ETNK1: variants seen among roughly 807,000 people sequenced by gnomAD.
The protein encoded by ETNK1 is ethanolamine kinase 1.
A neutral mutation model predicts 45.1 loss-of-function variants in ETNK1; 8 were observed. The observed-to-expected ratio is 0.18, with a 90% CI of 0.10 to 0.32. ETNK1 has a LOEUF of 0.32. ETNK1 is among the 10% of genes least tolerant of loss of function. The pLI, the probability that ETNK1 is intolerant of heterozygous loss-of-function variation, is 1.00. For synonymous variants in ETNK1, 152 were observed against 151.9 expected (o/e 1.00, Z -0.01); for missense variants, 302 against 430.6 (o/e 0.70, Z 2.64).
intron 2 of ETNK1, among the ~76,000 whole-genome samples, chr12:22,645,337 G>A (rs1953793823): frequency 6.6e-6 from 1 of 151,726 alleles, no homozygotes; most frequent in Admixed American, 6.6e-5. Context: ...AAAGCAGAGA[G>A]TAAAACATGA....
intron 1 of ETNK1, chr12:22,625,900 C>T: frequency 1.6e-6 from 1 of 623,576 alleles, no homozygotes; most frequent in Non-Finnish European, 3.0e-6. Context: ...TCCACGGTCA[C>T]TGCAAAATGA....
chr12:22,656,438 A>G, intron 2 of ETNK1: 1 of 985,338 alleles, frequency 1.0e-6, no homozygotes, highest in East Asian at 1.1e-4. Context: ...TCAGATCAGA[A>G]GAGCAGAAAC....
At chr12:22,677,613 T>C (rs1009516888) in intron 6 of ETNK1, among the ~76,000 whole-genome samples, 5 of 152,268 alleles carry the variant, frequency 3.3e-5, no homozygotes, top group African/African-American at 9.6e-5. Context: ...TATTGCCATT[T>C]TCACAATATT....
At chr12:22,657,389 TAAAGGAG>T (rs1218911264) in intron 2 of ETNK1, among the ~76,000 whole-genome samples, 1 of 152,178 alleles carries the variant, frequency 6.6e-6, no homozygotes, top group African/African-American at 2.4e-5. Context: ...TACAGTGGCA[TAAAGGAG>T]AAAGAATTTA....
chr12:22,633,261 CT>C (rs1383381313), intron 1 of ETNK1, among the ~76,000 whole-genome samples: 1 of 151,866 alleles, frequency 6.6e-6, no homozygotes, highest in Non-Finnish European at 1.5e-5. Context: ...TTATTTTTTT[CT>C]TTCACCACGT....
chr12:22,632,940 G>A (rs190169542), intron 1 of ETNK1, among the ~76,000 whole-genome samples: 9 of 152,228 alleles, frequency 5.9e-5, no homozygotes, highest in Admixed American at 1.3e-4. Flanking sequence ...TTCCATGACC[G>A]ACTAGCATTC....
rs1021739196 is a variant in ETNK1, at chr12:22,625,907, A to C, written c.156+321A>C. 4 of 606,964 alleles carry C rather than the reference A, an allele frequency of 6.6e-6. 1 individual carries two copies. The highest frequency in any genetic ancestry group is 1.2e-5 in the Non-Finnish European group (4 of 323,896). The allele number at this position is 606,964 out of a possible 1,614,324, so 37.6% of individuals were successfully genotyped here. ...CTCCCCAGTCCACGGTCACTGCAAA[A>C]TGAACCTTTCCACTCCCCTTGCACG... On this transcript the variant is annotated intron_variant, in intron 1 of 7. Transcript: ENST00000266517.
chr12:22,680,803 T>TG (rs1450058328), intron 6 of ETNK1, among the ~76,000 whole-genome samples: 1 of 152,060 alleles, frequency 6.6e-6, no homozygotes, highest in African/African-American at 2.4e-5. Context: ...CATTGATTGT[T>TG]TAATGTTGAG....
At chr12:22,658,868 T>C in intron 2 of ETNK1, 146 bp from the exon 3 acceptor site, 1 of 718,054 alleles carries the variant, frequency 1.4e-6, no homozygotes, top group Non-Finnish European at 2.2e-6. Flanking sequence ...GGGTTCTTGC[T>C]AAAACTGGTT....
At chr12:22,659,209 G>A in intron 3 of ETNK1, 55 bp downstream of exon 3, 2 of 1,493,178 alleles carry the variant, frequency 1.3e-6, no homozygotes, top group South Asian at 2.5e-5. Context: ...CTCTATGATA[G>A]GGTTTCAAAG....
intron 6 of ETNK1, chr12:22,682,281 G>A (rs755531456): frequency 2.0e-6 from 1 of 497,300 alleles, no homozygotes; most frequent in Non-Finnish European, 4.0e-6. Flanking sequence ...CTAATTTTAG[G>A]GTGAAAACTT....
chr12:22,657,591 G>A (rs923693673), intron 2 of ETNK1, among the ~76,000 whole-genome samples: 5 of 143,234 alleles, frequency 3.5e-5, no homozygotes, highest in African/African-American at 1.2e-4. Flanking sequence ...ACCACCCCAG[G>A]GGGAAAATTT....
rs1954262966 is a variant in ETNK1 at position 22,686,718 on chromosome 12, GT to G, written c.*1765del. 1 of 152,206 alleles carries G rather than the reference GT, an allele frequency of 6.6e-6. No homozygotes were observed. 9.4% of individuals were successfully genotyped at this position (152,206 alleles called of 1,614,324 possible). On this transcript the variant is annotated 3_prime_UTR_variant, in exon 8 of 8. Transcript: ENST00000266517. ...GATCAATAGAACTTTGCCTAGTTAAGTGAATGGAACCAATTAAACAACTAGT... is the reference window on the plus strand; with the variant it reads ...GATCAATAGAACTTTGCCTAGTTAAGGAATGGAACCAATTAAACAACTAGT...
Position 22,688,621 on chromosome 12 carries a change from G to A in ETNK1, c.*3667G>A, listed in dbSNP as rs1422236229. On this transcript the variant is annotated 3_prime_UTR_variant, in exon 8 of 8. Transcript: ENST00000266517. ...ACAGACTTAAGCTTTTAATCAATCA[G>A]TCATTCAGTTGATAGACAAAGTTAG... 1 of 152,296 alleles carries A rather than the reference G, an allele frequency of 6.6e-6. No homozygotes were observed. Among genetic ancestry groups the A allele is most frequent in the African/African-American group, 2.4e-5 (1 of 41,404 alleles). 9.4% of individuals were successfully genotyped at this position (152,296 alleles called of 1,614,324 possible). A position where few individuals can be genotyped will look rare whatever the true frequency, so the allele number is the denominator to read the frequency against.
At chr12:22,662,053 CGCA>C (rs1241070921) in intron 4 of ETNK1, among the ~76,000 whole-genome samples, 276 of 22,746 alleles carry the variant, frequency 0.012, 4 homozygotes, top group African/African-American at 0.027. Context: ...ACTAGTTCCC[CGCA>C]CCCCCCCCCC....
At chr12:22,646,775 G>T (rs1953812952) in intron 2 of ETNK1, among the ~76,000 whole-genome samples, 1 of 151,752 alleles carries the variant, frequency 6.6e-6, no homozygotes, top group Non-Finnish European at 1.5e-5. Flanking sequence ...GAATGTAAAA[G>T]GCTTATGTTT....
At chr12:22,664,454 T>C (rs145507283) in intron 4 of ETNK1, among the ~76,000 whole-genome samples, 1 of 152,148 alleles carries the variant, frequency 6.6e-6, no homozygotes, top group African/African-American at 2.4e-5. Context: ...TATGGGTATA[T>C]GTATAAGTAA....
chr12:22,671,260 T>C lies in ETNK1; in HGVS notation c.701-12T>C. 1.3e-6 allele frequency: 2 copies of C among 1,556,724 alleles called. No homozygotes were observed. The highest frequency in any genetic ancestry group is 1.8e-6 in the Non-Finnish European group (2 of 1,129,182). The stretch of plus-strand genomic sequence containing the variant: ...TGATTTCTTAATGTCTTTGTTTTTG[T>C]GTCTCACATAGGTGATGTACAGTTC... On this transcript the variant is annotated splice_polypyrimidine_tract_variant and intron_variant, in intron 4 of 7. Coordinates refer to ENST00000266517, the MANE Select transcript of ETNK1 (RefSeq NM_018638.5).
At chr12:22,683,519 A>T (rs1007338600) in intron 6 of ETNK1, among the ~76,000 whole-genome samples, 6 of 152,158 alleles carry the variant, frequency 3.9e-5, no homozygotes, top group Non-Finnish European at 7.4e-5. Context: ...TAGAATACAG[A>T]ATGGCTAATA....
Sources: allele counts gnomAD v4.1 joint callset (sites outside exome capture counted in the v4.1 genomes callset), GRCh38; gene constraint gnomAD v4.1.1; transcripts MANE v1.5; gene names NCBI Gene and HGNC (gene_info 2026-07-23, HGNC 2026-07-21).